The following RHOU variants were observed in gnomAD, a reference collection of about 807,000 sequenced individuals.
RHOU encodes the protein rho-related GTP-binding protein RhoU.
RHOU carries 8 observed loss-of-function variants against 12.6 expected under a neutral mutation model. The observed-to-expected ratio is 0.64, with a 90% confidence interval of 0.37 to 1.15. The LOEUF is 1.15. Among genes scored for constraint, RHOU ranks in the 50% most tolerant of loss-of-function variants. The pLI is 0.01. For synonymous variants in RHOU, 161 were observed against 147.4 expected (o/e 1.09, Z -0.67); for missense variants, 258 against 347.0 (o/e 0.74, Z 2.04).
upstream of RHOU, among the ~76,000 whole-genome samples, chr1:228,734,828 T>C (rs1352029549): frequency 6.6e-6 from 1 of 152,064 alleles, no homozygotes. Context: ...TTTAAGTAAA[T>C]GAAGGAATTG....
chr1:228,717,914 A>G, the RHOU span, among the ~76,000 whole-genome samples: 1 of 152,236 alleles, frequency 6.6e-6, no homozygotes, highest in Admixed American at 6.5e-5. Context: ...CATGCCCTCC[A>G]TTAACACATT....
chr1:228,722,865 C>T, the RHOU span, among the ~76,000 whole-genome samples: 1 of 152,202 alleles, frequency 6.6e-6, no homozygotes, highest in Non-Finnish European at 1.5e-5. Context: ...TCGTGATCTG[C>T]CCGCCTCGGC....
chr1:228,684,367 T>C, the RHOU span, among the ~76,000 whole-genome samples: 1 of 152,270 alleles, frequency 6.6e-6, no homozygotes, highest in South Asian at 2.1e-4. Context: ...GTCTCATGTG[T>C]CATCCAGGCT....
chr1:228,646,977 A>T, the RHOU span, among the ~76,000 whole-genome samples: 1 of 152,032 alleles, frequency 6.6e-6, no homozygotes, highest in East Asian at 2.0e-4. Flanking sequence ...AGAAGTACAG[A>T]GGTACAGAGG....
the RHOU span, among the ~76,000 whole-genome samples, chr1:228,715,644 A>G: frequency 6.6e-6 from 1 of 152,296 alleles, no homozygotes; most frequent in East Asian, 1.9e-4. Context: ...ACTTTCATAT[A>G]CATTCTTAAG....
the RHOU span, among the ~76,000 whole-genome samples, chr1:228,721,627 A>G: frequency 1.3e-5 from 2 of 152,148 alleles, no homozygotes; most frequent in Non-Finnish European, 2.9e-5. Context: ...CTGTGTCCTG[A>G]GGACACAACC....
chr1:228,716,745 C>CGTATAT, the RHOU span, among the ~76,000 whole-genome samples: 1 of 104,700 alleles, frequency 9.6e-6, no homozygotes. Flanking sequence ...CATATACACA[C>CGTATAT]ACATGTGTGT....
At chr1:228,722,553 T>C in the RHOU span, among the ~76,000 whole-genome samples, 6 of 152,278 alleles carry the variant, frequency 3.9e-5, no homozygotes, top group East Asian at 9.6e-4. Flanking sequence ...AAACCTGCCA[T>C]TTGCTGGAAT....
At chr1:228,725,564 C>T in the RHOU span, among the ~76,000 whole-genome samples, 3 of 152,186 alleles carry the variant, frequency 2.0e-5, no homozygotes, top group African/African-American at 7.2e-5. Flanking sequence ...AAGAACAGAG[C>T]ACTTCCCCAG....
chr1:228,687,554 C>G, the RHOU span: 1 of 1,559,976 alleles, frequency 6.4e-7, no homozygotes, highest in Non-Finnish European at 8.7e-7. Flanking sequence ...ACTGTGATGA[C>G]TGGGAGAGCG....
chr1:228,682,759 G>A, the RHOU span, among the ~76,000 whole-genome samples: 35,727 of 151,916 alleles, frequency 0.24, 6,658 homozygotes, highest in African/African-American at 0.53. Context: ...ACAGAAAACC[G>A]GACCCACCAC....
the RHOU span, among the ~76,000 whole-genome samples, chr1:228,717,453 A>G: frequency 6.6e-6 from 1 of 151,982 alleles, no homozygotes; most frequent in African/African-American, 2.4e-5. Flanking sequence ...ACATTCTCAG[A>G]TGTTAGGGAG....
the RHOU span, among the ~76,000 whole-genome samples, chr1:228,697,909 C>A: frequency 6.6e-6 from 1 of 152,172 alleles, no homozygotes. Context: ...AATAGGTGGG[C>A]AGCCTAGCTT....
At chr1:228,685,409 C>G in the RHOU span, among the ~76,000 whole-genome samples, 3 of 152,146 alleles carry the variant, frequency 2.0e-5, no homozygotes, top group Non-Finnish European at 2.9e-5. Context: ...TTAACAAATA[C>G]TTGGAAACTG....
At chr1:228,687,113 A>G in the RHOU span, among the ~76,000 whole-genome samples, 1 of 152,172 alleles carries the variant, frequency 6.6e-6, no homozygotes, top group African/African-American at 2.4e-5. Context: ...CACAAAACTC[A>G]TTTTCCACTA....
At chr1:228,683,499 A>G in the RHOU span, among the ~76,000 whole-genome samples, 2 of 152,186 alleles carry the variant, frequency 1.3e-5, no homozygotes, top group African/African-American at 4.8e-5. Flanking sequence ...GGAACAACAA[A>G]TTTTCCATTT....
At chr1:228,714,362 A>G in the RHOU span, among the ~76,000 whole-genome samples, 1 of 152,246 alleles carries the variant, frequency 6.6e-6, no homozygotes, top group African/African-American at 2.4e-5. Flanking sequence ...TTAGGAAAAT[A>G]TCCTTCATTT....
the RHOU span, among the ~76,000 whole-genome samples, chr1:228,661,274 A>G: frequency 6.6e-6 from 1 of 152,236 alleles, no homozygotes; most frequent in Non-Finnish European, 1.5e-5. Context: ...GGTAATTTAT[A>G]GATTCAATGC....
chr1:228,734,233 A>T (rs1017140523), upstream of RHOU, among the ~76,000 whole-genome samples: 12 of 152,040 alleles, frequency 7.9e-5, no homozygotes, highest in African/African-American at 2.9e-4. Flanking sequence ...TACCACGTGT[A>T]CACATTGCTA....
Sources: allele counts gnomAD v4.1 joint callset (sites outside exome capture counted in the v4.1 genomes callset), GRCh38; gene constraint gnomAD v4.1.1; transcripts MANE v1.5; gene names NCBI Gene and HGNC (gene_info 2026-07-23, HGNC 2026-07-21).